FBN1: variants seen among roughly 807,000 people sequenced by gnomAD.
FBN1 encodes fibrillin-1.
A neutral mutation model predicts 365.1 loss-of-function variants in FBN1; 29 were observed. The ratio of observed to expected loss-of-function variants is 0.08; its 90% CI spans 0.06 to 0.11. The LOEUF is 0.11. Ranked by LOEUF, FBN1 falls within the 10% of genes least tolerant of loss-of-function variation. FBN1 has a pLI of 1.00. For missense variants in FBN1, 2,476 were observed against 3,703.2 expected (o/e 0.67, Z 8.60); for synonymous variants, 1,210 against 1,270.5 (o/e 0.95, Z 1.01).
intron 42 of FBN1, among the ~76,000 whole-genome samples, chr15:48,460,923 CAGATAAT>C (rs2141264590): frequency 6.6e-6 from 1 of 152,230 alleles, no homozygotes; most frequent in Admixed American, 6.5e-5. Flanking sequence ...TCAAATTTAA[CAGATAAT>C]AAAGGATGAA....
intron 5 of FBN1, among the ~76,000 whole-genome samples, chr15:48,599,621 G>A (rs574509019): frequency 2.0e-5 from 3 of 152,186 alleles, no homozygotes; most frequent in African/African-American, 7.2e-5. Context: ...ACAATAAATG[G>A]TGTGTGCAAA....
intron 65 of FBN1, 131 bp downstream of exon 65, chr15:48,412,438 G>T: frequency 2.1e-6 from 2 of 948,044 alleles, no homozygotes; most frequent in Non-Finnish European, 3.4e-6. Flanking sequence ...ACAGCCTAGA[G>T]CTCAGGGAAT....
intron 6 of FBN1, 132 bp from the exon 7 acceptor site, chr15:48,537,940 G>A: frequency 1.1e-6 from 1 of 939,294 alleles, no homozygotes; most frequent in Non-Finnish European, 1.7e-6. Flanking sequence ...ATGCATCACT[G>A]TCCCTGTGTA....
At chr15:48,514,053 A>G (rs1223376698) in intron 12 of FBN1, among the ~76,000 whole-genome samples, 1 of 152,220 alleles carries the variant, frequency 6.6e-6, no homozygotes. Flanking sequence ...AGAAGGTCTA[A>G]CCATATCCAA....
At chr15:48,522,002 G>A (rs569097906) in intron 9 of FBN1, among the ~76,000 whole-genome samples, 93 of 152,244 alleles carry the variant, frequency 6.1e-4, no homozygotes, top group African/African-American at 2.2e-3. Context: ...TGGCATTACT[G>A]CCTGAGCCCT....
intron 2 of FBN1, among the ~76,000 whole-genome samples, chr15:48,618,603 C>T (rs1889705116): frequency 6.6e-6 from 1 of 152,178 alleles, no homozygotes; most frequent in African/African-American, 2.4e-5. Context: ...CCTCCCTAAG[C>T]TTCAGCTTGA....
chr15:48,525,273 G>C (rs902816168), intron 9 of FBN1, among the ~76,000 whole-genome samples: 3 of 152,126 alleles, frequency 2.0e-5, no homozygotes, highest in African/African-American at 7.2e-5. Flanking sequence ...TTTTAGTAGA[G>C]ACAGGGTTTC....
intron 47 of FBN1, 147 bp from the exon 48 acceptor site, chr15:48,445,651 C>T (rs1361067421): frequency 7.6e-6 from 6 of 791,826 alleles, no homozygotes; most frequent in African/African-American, 1.7e-5. Flanking sequence ...CAATGAAGAT[C>T]TAGTTTGCAA....
rs1175895899 is a variant in FBN1 at position 48,467,951 on chromosome 15, A to T, written c.4734T>A (p.Pro1578=). 1 of 1,613,636 alleles carries T rather than the reference A, an allele frequency of 6.2e-7. No individual in the cohort carries two copies. Among genetic ancestry groups the T allele is most frequent in the Non-Finnish European group, 8.5e-7 (1 of 1,179,498 alleles). The change falls in exon 38 of 66, where the codon CCT becomes CCA. Residue 1578 remains proline, a synonymous_variant. Transcript: ENST00000316623. ...KAWGTPCEMC[P]AVNTSEYKIL... ...ATGTCCACTTACATGTGTTCACAGC[A>T]GGACACATCTCACAAGGAGTACCCC...
Position 48,453,379 on chromosome 15 carries a change from C to T in FBN1, c.5423-695G>A, listed in dbSNP as rs78613791. 8.9e-3 allele frequency among the ~76,000 whole-genome samples: 1,325 copies of T among 149,250 alleles called. 24 individuals are homozygous for T. The highest frequency in any genetic ancestry group is 0.031 in the African/African-American group (1,272 of 40,680). On this transcript the variant is annotated intron_variant, in intron 44 of 65. Coordinates refer to ENST00000316623, the MANE Select transcript of FBN1 (RefSeq NM_000138.5). ...AGAAAATTAAATGTATATTACTAAGCGAATCAGAAGCCAATCTGGAAAGGC... is the reference window on the plus strand; with the variant it reads ...AGAAAATTAAATGTATATTACTAAGTGAATCAGAAGCCAATCTGGAAAGGC...
At chr15:48,415,841 T>G in intron 63 of FBN1, 74 bp from the exon 64 acceptor site, 1 of 1,289,688 alleles carries the variant, frequency 7.8e-7, no homozygotes, top group South Asian at 1.2e-5. Context: ...ATCTGGCCAC[T>G]TGCTGCCGGC....
chr15:48,584,401 AATGAAAACATTAAAATGATTGTC>A (rs1381139409), intron 6 of FBN1, among the ~76,000 whole-genome samples: 1 of 152,248 alleles, frequency 6.6e-6, no homozygotes, highest in Non-Finnish European at 1.5e-5. Context: ...AGATATTTTA[AATGAAAACATTAAAATGATTGTC>A]ATGTGATACT....
At chr15:48,450,945 G>A (rs2141254236) in intron 45 of FBN1, among the ~76,000 whole-genome samples, 1 of 152,248 alleles carries the variant, frequency 6.6e-6, no homozygotes. Context: ...CTAGAATGAG[G>A]TCTTCAACCC....
At chr15:48,608,046 G>A (rs1393336502) in intron 4 of FBN1, among the ~76,000 whole-genome samples, 1 of 152,208 alleles carries the variant, frequency 6.6e-6, no homozygotes, top group African/African-American at 2.4e-5. Flanking sequence ...CAGCACCAAG[G>A]GAAGCCACAA....
At chr15:48,601,187 G>C (rs2044563447) in intron 4 of FBN1, among the ~76,000 whole-genome samples, 1 of 152,186 alleles carries the variant, frequency 6.6e-6, no homozygotes, top group South Asian at 2.1e-4. Context: ...CAGACAATGA[G>C]ACACTCAGAG....
At chr15:48,464,202 A>C (rs992596684) in intron 40 of FBN1, among the ~76,000 whole-genome samples, 181 bp from the exon 41 acceptor site, 1 of 152,164 alleles carries the variant, frequency 6.6e-6, no homozygotes, top group African/African-American at 2.4e-5. Context: ...CCTTTTGAGG[A>C]AAGAGGGTTT....
chr15:48,437,297 T>G, intron 52 of FBN1, 25 bp downstream of exon 52: 1 of 1,600,708 alleles, frequency 6.2e-7, no homozygotes, highest in Non-Finnish European at 8.6e-7. Flanking sequence ...TGAGAAATGC[T>G]GAGAATCCAG....
intron 6 of FBN1, among the ~76,000 whole-genome samples, chr15:48,551,491 T>G (rs894945019): frequency 6.6e-6 from 1 of 152,120 alleles, no homozygotes; most frequent in Non-Finnish European, 1.5e-5. Context: ...AAGCCTGGAT[T>G]CATGAAGACC....
chr15:48,421,095 A>AT (rs977122563), intron 62 of FBN1, among the ~76,000 whole-genome samples: 3 of 145,844 alleles, frequency 2.1e-5, no homozygotes, highest in African/African-American at 7.5e-5. Flanking sequence ...TTTTTTTTTT[A>AT]TTTTTGGTGC....
Sources: allele counts gnomAD v4.1 joint callset (sites outside exome capture counted in the v4.1 genomes callset), GRCh38; gene constraint gnomAD v4.1.1; transcripts MANE v1.5; gene names NCBI Gene and HGNC (gene_info 2026-07-23, HGNC 2026-07-21).